The following GNA11 variants were observed in gnomAD, a reference collection of about 807,000 sequenced individuals.
GNA11 encodes the protein G protein subunit alpha 11.
A neutral mutation model predicts 38.2 loss-of-function variants in GNA11; 8 were observed. The observed-to-expected ratio is 0.21, with a 90% CI of 0.12 to 0.38. The LOEUF is 0.38. Ranked by LOEUF, GNA11 falls within the 10% of genes least tolerant of loss-of-function variation. The pLI is 1.00. For missense variants in GNA11, 268 were observed against 516.3 expected, an observed-to-expected ratio of 0.52 and a Z score of 4.66; for synonymous variants, 211 against 221.4, an observed-to-expected ratio of 0.95 and a Z score of 0.42.
rs141078172 is a variant in GNA11 at position 3,094,674 on chromosome 19, C to T, written c.23C>T (p.Ala8Val). MTLESMM[A>V]CCLSDEVKES... ...ACGATGACTCTGGAGTCCATGATGG[C>T]GTGTTGCCTGAGCGATGAGGTGAAG... Residue 8 changes from alanine (A) to valine (V), a missense_variant, in exon 1 of 7, where the codon GCG becomes GTG. Around this residue, in one of 3 missense-constraint regions of GNA11, gnomAD observed 151 missense variants for 254.0 expected, o/e 0.59. Transcript: ENST00000078429. The surrounding 1 kb of genome is among the most constrained non-coding windows in gnomAD (Gnocchi z 6.0). 4.5e-6 allele frequency: 7 copies of T among 1,562,328 alleles called. No homozygotes were observed. Among genetic ancestry groups the T allele is most frequent in the Non-Finnish European group, 5.2e-6 (6 of 1,156,042 alleles).
At chr19:3,113,517 ACGGCAGC>A in intron 3 of GNA11, 33 bp downstream of exon 3, 1 of 1,510,806 alleles carries the variant, frequency 6.6e-7, no homozygotes, top group South Asian at 1.3e-5. Flanking sequence ...CGGCCTGGGG[ACGGCAGC>A]TGCGGGCCGG....
Position 3,119,101 on chromosome 19 carries a change from C to T in GNA11, c.735+48C>T. On this transcript the variant is annotated intron_variant, in intron 5 of 6. Transcript: ENST00000078429. This position sits in a 1 kb window ranked among gnomAD's most constrained non-coding sequence, Gnocchi z 4.6. ...GCAGCGTTGGGGGCCGGGCCTTCCC[C>T]ACCTGCCAAGCCTGGGTCCCCTCAC... is the stretch of plus-strand genomic sequence containing the variant. The T allele has an allele frequency of 1.2e-6, 2 of 1,607,730 alleles. No homozygotes were observed. Among genetic ancestry groups the T allele is most frequent in the Non-Finnish European group, 1.7e-6 (2 of 1,175,142 alleles).
At chr19:3,106,051 G>T (rs374878832) in intron 1 of GNA11, among the ~76,000 whole-genome samples, 2 of 152,224 alleles carry the variant, frequency 1.3e-5, no homozygotes, top group Admixed American at 1.3e-4. Flanking sequence ...CCAAAAGAGC[G>T]TTCCAGCTCA....
intron 4 of GNA11, 41 bp from the exon 5 acceptor site, chr19:3,118,883 G>C (rs748460076): frequency 1.1e-5 from 18 of 1,598,314 alleles, no homozygotes; most frequent in Admixed American, 1.7e-5. Flanking sequence ...ATTGGGCCTT[G>C]GGGCGCCAGG....
At chr19:3,103,837 C>CA (rs1210719804) in intron 1 of GNA11, among the ~76,000 whole-genome samples, 1 of 152,112 alleles carries the variant, frequency 6.6e-6, no homozygotes, top group Non-Finnish European at 1.5e-5. Flanking sequence ...AGGCGCCTGC[C>CA]ACCATGCCCG....
chr19:3,114,135 G>A (rs1913848531), intron 3 of GNA11, among the ~76,000 whole-genome samples: 1 of 152,148 alleles, frequency 6.6e-6, no homozygotes, highest in African/African-American at 2.4e-5. Flanking sequence ...CGCCCCTCCT[G>A]CCCGTCCTCT....
chr19:3,115,922 A>G (rs114734160), intron 4 of GNA11, among the ~76,000 whole-genome samples: 24 of 88,866 alleles, frequency 2.7e-4, no homozygotes, highest in African/African-American at 1.3e-3. Context: ...AAGAGGGGTC[A>G]TGGGGACCGA....
chr19:3,115,457 A>C (rs932379584), intron 4 of GNA11: 2 of 184,704 alleles, frequency 1.1e-5, no homozygotes, highest in African/African-American at 4.8e-5. Flanking sequence ...TGTGTGTTTG[A>C]CCAGGTCAGG....
chr19:3,112,971 C>G (rs3859560), intron 2 of GNA11, among the ~76,000 whole-genome samples: 7 of 152,202 alleles, frequency 4.6e-5, no homozygotes, highest in Admixed American at 4.6e-4. Context: ...TCGTGCTCGG[C>G]GCTGCACTGC....
rs1273289242 is a variant in GNA11 at position 3,110,937 on chromosome 19, A to G, written c.321+604A>G. On this transcript the variant is annotated intron_variant, in intron 2 of 6. Coordinates refer to ENST00000078429, the MANE Select transcript of GNA11 (RefSeq NM_002067.5). This position sits in a 1 kb window ranked among gnomAD's most constrained non-coding sequence, Gnocchi z 5.4. ...CAGCCTCCCGGGTAGCTGGGACTGC[A>G]GGTGCATCACCACGCCTAGCTAATT... Among the ~76,000 whole-genome samples the G allele has an allele frequency of 1.3e-5, 2 of 152,136 alleles. No homozygotes were observed. The highest frequency in any genetic ancestry group is 4.8e-5 in the African/African-American group (2 of 41,432).
intron 1 of GNA11, among the ~76,000 whole-genome samples, chr19:3,100,111 G>A (rs1913467300): frequency 6.7e-6 from 1 of 149,672 alleles, no homozygotes; most frequent in East Asian, 2.0e-4. Context: ...GCTCCATGGG[G>A]GATCCTGCCC....
chr19:3,111,069 C>T (rs1444729911), intron 2 of GNA11, among the ~76,000 whole-genome samples: 1 of 152,052 alleles, frequency 6.6e-6, no homozygotes, highest in Non-Finnish European at 1.5e-5. Context: ...GCTGGGATTA[C>T]AGGTATGAGC....
At position 3,114,944 on chromosome 19, in the gene GNA11, C is replaced by T. The variant is rs1469665156; in HGVS notation, c.477C>T (p.Tyr159=). Residue 159 remains tyrosine (Y), a splice_region_variant and synonymous_variant, in exon 4 of 7, where the codon TAC becomes TAT. Transcript: ENST00000078429. The stretch of plus-strand genomic sequence containing the variant: ...CTGAGCACCCACCGCTGTGTTGCAG[C>T]TACCTGACCGACGTTGACCGCATCG... The part of the protein sequence containing the change: ...REYQLSDSAK[Y]YLTDVDRIAT... 1.9e-6 allele frequency: 3 copies of T among 1,609,472 alleles called. No homozygotes were observed. Among genetic ancestry groups the T allele is most frequent in the South Asian group, 2.2e-5 (2 of 90,768 alleles).
Position 3,114,744 on chromosome 19 carries a change from G to A in GNA11, c.477-200G>A, listed in dbSNP as rs533907194. 2.0e-5 allele frequency among the ~76,000 whole-genome samples: 3 copies of A among 152,320 alleles called. No individual in the cohort carries two copies. The South Asian group carries it at 6.2e-4, about 32-fold the overall frequency. On this transcript the variant is annotated intron_variant, in intron 3 of 6. Coordinates refer to ENST00000078429, the MANE Select transcript of GNA11 (RefSeq NM_002067.5). ...CCCTGAGACCCCAGAGAGGATAGAGGTTGGGAGGCTCGTATCCCGACCCCA... is the reference window on the plus strand; with the variant it reads ...CCCTGAGACCCCAGAGAGGATAGAGATTGGGAGGCTCGTATCCCGACCCCA...
intron 1 of GNA11, among the ~76,000 whole-genome samples, chr19:3,103,804 G>A (rs1406603745): frequency 2.0e-5 from 3 of 151,348 alleles, no homozygotes; most frequent in East Asian, 1.9e-4. Context: ...CCTGATTCAC[G>A]CCATTCTCCT....
intron 1 of GNA11, among the ~76,000 whole-genome samples, chr19:3,100,084 G>A (rs1463065752): frequency 5.3e-5 from 8 of 152,190 alleles, no homozygotes; most frequent in Non-Finnish European, 1.2e-4. Context: ...GGCACACATT[G>A]GGTGCTCTGA....
chr19:3,115,300 G>T (rs888387950), intron 4 of GNA11: 8 of 464,400 alleles, frequency 1.7e-5, no homozygotes, highest in Admixed American at 4.0e-5. Context: ...AGCTACTCAG[G>T]AGGCTGAGGC....
intron 1 of GNA11, among the ~76,000 whole-genome samples, chr19:3,105,909 C>T (rs1913628401): frequency 6.6e-6 from 1 of 151,770 alleles, no homozygotes; most frequent in African/African-American, 2.4e-5. Context: ...GGCCTGAGAC[C>T]GGGAGATGAG....
Position 3,121,087 on chromosome 19 carries a change from T to C in GNA11, c.988T>C (p.Cys330Arg), listed in dbSNP as rs2145329086. The change falls in exon 7 of 7, where the codon TGT becomes CGT. Residue 330 changes from cysteine (C) to arginine (R), a missense_variant. Physicochemically the swap from Cys to Arg is radical, Grantham distance 180. This residue lies in a region of GNA11 where 92 missense variants were observed against 166.7 expected (regional missense o/e 0.55). Transcript: ENST00000078429. ...CAAGATCATCTACTCACACTTCACG[T>C]GTGCCACCGACACGGAGAACATCCG... ...SDKIIYSHFTCATDTENIRFV... is the reference protein window; with the variant it reads ...SDKIIYSHFTRATDTENIRFV... The C allele has an allele frequency of 6.2e-7, 1 of 1,613,792 alleles. No homozygotes were observed. Among genetic ancestry groups the C allele is most frequent in the Non-Finnish European group, 8.5e-7 (1 of 1,179,838 alleles).
Sources: allele counts gnomAD v4.1 joint callset (sites outside exome capture counted in the v4.1 genomes callset), GRCh38; gene constraint gnomAD v4.1.1; regional missense constraint gnomAD v4.1.1; non-coding constraint Gnocchi (gnomAD v3.1); transcripts MANE v1.5; gene names NCBI Gene and HGNC (gene_info 2026-07-23, HGNC 2026-07-21).